Variants in TRIM77 observed in about 807,000 individuals in gnomAD.
TRIM77 encodes the protein tripartite motif-containing protein 77.
Under a neutral mutation model 31.8 loss-of-function variants are expected in TRIM77, and 23 were observed. The ratio of observed to expected loss-of-function variants is 0.72; its 90% CI spans 0.52 to 1.02. The LOEUF is 1.02. Among genes scored for constraint, TRIM77 ranks in the 50% least tolerant of loss-of-function variants. The pLI is 0.00. For missense variants in TRIM77, 446 were observed against 539.2 expected (o/e 0.83, Z 1.71); for synonymous variants, 159 against 183.1 (o/e 0.87, Z 1.06).
intron 4 of TRIM77, among the ~76,000 whole-genome samples, chr11:89,715,573 A>G (rs1042863540): frequency 2.6e-5 from 4 of 152,194 alleles, no homozygotes; most frequent in African/African-American, 9.6e-5. Flanking sequence ...CATATGTAGC[A>G]GGTGGCATGT....
intron 2 of TRIM77, among the ~76,000 whole-genome samples, chr11:89,712,388 A>G (rs1423700343): frequency 4.6e-5 from 7 of 152,172 alleles, no homozygotes; most frequent in Admixed American, 4.6e-4. Context: ...GAAGAAATAG[A>G]TCGCTTACCC....
chr11:89,711,600 G>C (rs1209550691), intron 2 of TRIM77, 95 bp downstream of exon 2: 1 of 653,814 alleles, frequency 1.5e-6, no homozygotes, highest in African/African-American at 1.9e-5. Flanking sequence ...CCCCTGAATA[G>C]GATGATCAGA....
chr11:89,714,401 A>G lies in TRIM77; in HGVS notation c.717A>G (p.Lys239=), dbSNP rs1219549570. The part of the protein sequence containing the change: ...MYEKLKEMSC[K]ADVNLPQDLG... Reference sequence around the variant, plus strand: ...AGAAACTGAAGGAAATGAGCTGTAAAGCAGATGTGAACCTGCCTCAGGTAA... The same window carrying G: ...AGAAACTGAAGGAAATGAGCTGTAAGGCAGATGTGAACCTGCCTCAGGTAA... The change falls in exon 3 of 6, where the codon AAA becomes AAG. Residue 239 remains lysine, a synonymous_variant. Coordinates refer to ENST00000398290, the MANE Select transcript of TRIM77 (RefSeq NM_001146162.1). The G allele has an allele frequency of 1.3e-6, 2 of 1,551,446 alleles. No individual in the cohort carries two copies. The highest frequency in any genetic ancestry group is 1.7e-6 in the Non-Finnish European group (2 of 1,146,852).
At position 89,714,949 on chromosome 11, in the gene TRIM77, A is replaced by C. The variant is rs1949149735; in HGVS notation, c.739-209A>C. ...TCAGTCCATCTGACTATGTTTCATC[A>C]AGAGTATAATTTTATTGACTACATG... is the stretch of plus-strand genomic sequence containing the variant. On this transcript the variant is annotated intron_variant, in intron 3 of 5. Transcript: ENST00000398290. Among the ~76,000 whole-genome samples, 4 of 152,178 alleles carry C rather than the reference A, an allele frequency of 2.6e-5. No homozygotes were observed. The South Asian group carries it at 8.3e-4, about 32-fold the overall frequency.
intron 5 of TRIM77, among the ~76,000 whole-genome samples, 169 bp downstream of exon 5, chr11:89,716,156 A>T (rs1949159628): frequency 1.3e-5 from 2 of 152,188 alleles, no homozygotes; most frequent in Admixed American, 1.3e-4. Context: ...ATAAACTTTC[A>T]GGAAAAGCTA....
At chr11:89,715,075 C>G in intron 3 of TRIM77, 83 bp from the exon 4 acceptor site, 1 of 1,354,916 alleles carries the variant, frequency 7.4e-7, no homozygotes, top group Non-Finnish European at 1.0e-6. Flanking sequence ...CCAATTCAGT[C>G]CATATCCTCA....
chr11:89,717,755 T>C lies in TRIM77; in HGVS notation c.1236T>C (p.Asp412=). 6.4e-7 allele frequency: 1 copy of C among 1,551,304 alleles called. No homozygotes were observed. Among genetic ancestry groups the C allele is most frequent in the South Asian group, 1.2e-5 (1 of 84,052 alleles). ...AAGGCTGGCTAGGGGTGTTCCTGGATTATGAATGTGGGATAGTGAGCTTTG... is the reference window on the plus strand; with the variant it reads ...AAGGCTGGCTAGGGGTGTTCCTGGACTATGAATGTGGGATAGTGAGCTTTG... ...RPQGWLGVFL[D]YECGIVSFVN... is the part of the protein sequence containing the mutation. The change falls in exon 6 of 6, where the codon GAT becomes GAC. Residue 412 remains aspartate (D), a synonymous_variant. Coordinates refer to ENST00000398290, the MANE Select transcript of TRIM77 (RefSeq NM_001146162.1).
intron 2 of TRIM77, among the ~76,000 whole-genome samples, chr11:89,713,604 T>C (rs1292866626): frequency 6.7e-6 from 1 of 149,648 alleles, no homozygotes; most frequent in African/African-American, 2.5e-5. Flanking sequence ...GACAGAGAAA[T>C]GGAGCCAGAA....
chr11:89,715,201 A>G (rs1160102415), intron 4 of TRIM77, 21 bp downstream of exon 4: 2 of 1,550,000 alleles, frequency 1.3e-6, no homozygotes, highest in African/African-American at 1.4e-5. Flanking sequence ...CCCTCTATCC[A>G]AGTCCTGGTA....
chr11:89,717,031 G>A (rs761131999), intron 5 of TRIM77, among the ~76,000 whole-genome samples: 7 of 151,578 alleles, frequency 4.6e-5, no homozygotes, highest in Non-Finnish European at 7.4e-5. Context: ...CTTGATTAAA[G>A]ATTCATTTGC....
chr11:89,714,661 C>A (rs1949148471), intron 3 of TRIM77, among the ~76,000 whole-genome samples: 1 of 152,184 alleles, frequency 6.6e-6, no homozygotes, highest in East Asian at 1.9e-4. Flanking sequence ...CAGGAAAATT[C>A]TCTTCTAAAA....
At chr11:89,711,902 G>A (rs1432160472) in intron 2 of TRIM77, among the ~76,000 whole-genome samples, 1 of 152,176 alleles carries the variant, frequency 6.6e-6, no homozygotes, top group Non-Finnish European at 1.5e-5. Flanking sequence ...GAAATTTACC[G>A]ATGATAATGT....
At chr11:89,710,919 C>A (rs543094500) in intron 1 of TRIM77, among the ~76,000 whole-genome samples, 6 of 152,228 alleles carry the variant, frequency 3.9e-5, no homozygotes, top group African/African-American at 1.2e-4. Context: ...AATTTAAATT[C>A]TCTTGGGCTG....
Sources: gnomAD v4.1 joint callset for allele counts (sites outside exome capture counted in the v4.1 genomes callset) on GRCh38, gnomAD v4.1.1 for gene constraint, MANE v1.5 for transcripts, NCBI Gene and HGNC (gene_info 2026-07-23, HGNC 2026-07-21) for gene names.